PSMB9: variants seen among roughly 807,000 people sequenced by gnomAD.
The protein encoded by PSMB9 is proteasome 20S subunit beta 9.
Under a neutral mutation model 26.9 loss-of-function variants are expected in PSMB9, and 16 were observed. The ratio of observed to expected loss-of-function variants is 0.59; its 90% confidence interval spans 0.40 to 0.90. The LOEUF (loss-of-function observed/expected upper bound fraction) is 0.90. PSMB9 is among the 40% of genes least tolerant of loss of function. PSMB9 has a pLI of 0.00. For missense variants in PSMB9, 253 were observed against 292.2 expected (o/e 0.87, Z 0.98); for synonymous variants, 91 against 112.0 (o/e 0.81, Z 1.18).
Position 32,855,851 on chromosome 6 carries a change from C to T in PSMB9, c.61-287C>T, listed in dbSNP as rs1771137546. ...TCTACCTGTAGGAGCCTCATCTCCA[C>T]CTCTCTACAGTGGAGAGGATTCCAC... On this transcript the variant is annotated intron_variant, in intron 1 of 5. Transcript: ENST00000374859. Among the ~76,000 whole-genome samples the T allele has an allele frequency of 2.6e-5, 4 of 152,192 alleles. No homozygotes were observed. The South Asian group carries it at 8.3e-4, about 31-fold the overall frequency.
At chr6:32,856,502 G>A (rs569609822) in intron 2 of PSMB9, 22 of 339,292 alleles carry the variant, frequency 6.5e-5, no homozygotes, top group Non-Finnish European at 1.2e-4. Context: ...CTTTCCATCT[G>A]TGCTTAGGGA....
At chr6:32,857,452 A>G in intron 3 of PSMB9, 58 bp downstream of exon 3, 1 of 1,562,306 alleles carries the variant, frequency 6.4e-7, no homozygotes, top group Non-Finnish European at 8.7e-7. Flanking sequence ...ACCTGCATGA[A>G]TCCCTGTACA....
At chr6:32,857,950 A>G in intron 3 of PSMB9, 55 bp from the exon 4 acceptor site, 1 of 1,606,914 alleles carries the variant, frequency 6.2e-7, no homozygotes, top group South Asian at 1.1e-5. Context: ...TGGTAACAGT[A>G]TAGGAGAATG....
chr6:32,854,944 G>A lies in PSMB9; in HGVS notation c.60+655G>A, dbSNP rs2127396204. Among the ~76,000 whole-genome samples, 1 of 152,326 alleles carries A rather than the reference G, an allele frequency of 6.6e-6. No individual in the cohort carries two copies. Among genetic ancestry groups the A allele is most frequent in the East Asian group, 1.9e-4 (1 of 5,176 alleles). The stretch of plus-strand genomic sequence containing the variant: ...TTAGGATGGGCGCCTGGGGCAGATG[G>A]CAGCCCCAAGACTGGCTGGCTGGCT... On this transcript the variant is annotated intron_variant, in intron 1 of 5. Transcript: ENST00000374859. The surrounding 1 kb of genome is among the most constrained non-coding windows in gnomAD (Gnocchi z 4.6).
At chr6:32,857,456 C>A in intron 3 of PSMB9, 62 bp downstream of exon 3, 1 of 1,544,990 alleles carries the variant, frequency 6.5e-7, no homozygotes, top group Non-Finnish European at 8.7e-7. Context: ...GCATGAATCC[C>A]TGTACAGTGT....
intron 3 of PSMB9, 95 bp from the exon 4 acceptor site, chr6:32,857,909 AC>A: frequency 2.1e-6 from 3 of 1,454,064 alleles, no homozygotes; most frequent in Non-Finnish European, 2.8e-6. Context: ...TATTGCAGTT[AC>A]AGTTTTCAGG....
chr6:32,857,523 G>A lies in PSMB9; in HGVS notation c.260+129G>A, dbSNP rs573044454. 2.1e-5 allele frequency: 25 copies of A among 1,194,214 alleles called. No homozygotes were observed. The South Asian group carries it at 4.0e-4, about 19-fold the overall frequency. 74.0% of individuals were successfully genotyped at this position (1,194,214 alleles called of 1,614,324 possible). A position where few individuals can be genotyped will look rare whatever the true frequency, so the allele number is the denominator to read the frequency against. ...AAAAGTCTTGTTTCGGCTCTTGCTG[G>A]CACTTGAATCTGTCAGTTTCTGCAT... On this transcript the variant is annotated intron_variant, in intron 3 of 5. Transcript: ENST00000374859.
intron 1 of PSMB9, among the ~76,000 whole-genome samples, chr6:32,855,400 ACTT>A (rs1288569720): frequency 6.6e-6 from 1 of 151,972 alleles, no homozygotes; most frequent in Admixed American, 6.6e-5. Context: ...ATCTTCCCTC[ACTT>A]CTTCTTGATT....
rs1015957283 is a variant in PSMB9 at position 32,854,585 on chromosome 6, C to G, written c.60+296C>G. ...ACTCTAAAGCGCTTTCGCTTTCACT[C>G]TGGTCCCGGACAGTGGGGGCTGGTT... On this transcript the variant is annotated intron_variant, in intron 1 of 5. Coordinates refer to ENST00000374859, the MANE Select transcript of PSMB9 (RefSeq NM_002800.5). The surrounding 1 kb of genome is among the most constrained non-coding windows in gnomAD (Gnocchi z 4.6). Among the ~76,000 whole-genome samples the G allele has an allele frequency of 1.3e-5, 2 of 151,306 alleles. No homozygotes were observed. Among genetic ancestry groups the G allele is most frequent in the South Asian group, 2.1e-4 (1 of 4,800 alleles).
Position 32,854,387 on chromosome 6 carries a change from A to G in PSMB9, c.60+98A>G. Reference sequence around the variant, plus strand: ...CGCGGAGAAGTGAATGCAGAGACCAACGGGAGCGCAGGGAGGTCGCCTGTA... The same window carrying G: ...CGCGGAGAAGTGAATGCAGAGACCAGCGGGAGCGCAGGGAGGTCGCCTGTA... On this transcript the variant is annotated intron_variant, in intron 1 of 5. Transcript: ENST00000374859. This position sits in a 1 kb window ranked among gnomAD's most constrained non-coding sequence, Gnocchi z 4.6. The G allele has an allele frequency of 8.4e-7, 1 of 1,192,730 alleles. No individual in the cohort carries two copies. The highest frequency in any genetic ancestry group is 1.1e-6 in the Non-Finnish European group (1 of 881,042). 73.9% of individuals were successfully genotyped at this position (1,192,730 alleles called of 1,614,324 possible). A position where few individuals can be genotyped will look rare whatever the true frequency, so the allele number is the denominator to read the frequency against.
Position 32,856,195 on chromosome 6 carries a change from G to C in PSMB9, c.118G>C (p.Val40Leu). 6.2e-7 allele frequency: 1 copy of C among 1,612,774 alleles called. No homozygotes were observed. Among genetic ancestry groups the C allele is most frequent in the Non-Finnish European group, 8.5e-7 (1 of 1,179,780 alleles). The change falls in exon 2 of 6, where the codon GTG becomes CTG. Residue 40 changes from valine to leucine, a missense_variant. By Grantham distance (32) the Val-to-Leu change is conservative (BLOSUM62 1). Coordinates refer to ENST00000374859, the MANE Select transcript of PSMB9 (RefSeq NM_002800.5). ...CGTTGTGATGGGTTCTGATTCCCGA[G>C]TGTCTGCAGGGTGAGTAAAAGTGAA... ...GGVVMGSDSR[V>L]SAGEAVVNRV...
chr6:32,856,041 C>A, intron 1 of PSMB9, 97 bp from the exon 2 acceptor site: 1 of 1,088,476 alleles, frequency 9.2e-7, no homozygotes, highest in Non-Finnish European at 1.4e-6. Context: ...AATCTTTGAG[C>A]CAGTCACTTC....
rs1052689861 is a variant in PSMB9, at chr6:32,854,501, C to A, written c.60+212C>A. On this transcript the variant is annotated intron_variant, in intron 1 of 5. Coordinates refer to ENST00000374859, the MANE Select transcript of PSMB9 (RefSeq NM_002800.5). The surrounding 1 kb of genome is among the most constrained non-coding windows in gnomAD (Gnocchi z 4.6). ...AGTGTCCGTGAAGGGAACAGGCACG[C>A]GAGGCTGGTGGAAAAAGCGGGTGCT... Among the ~76,000 whole-genome samples, 1 of 151,978 alleles carries A rather than the reference C, an allele frequency of 6.6e-6. No individual in the cohort carries two copies. Among genetic ancestry groups the A allele is most frequent in the Non-Finnish European group, 1.5e-5 (1 of 68,002 alleles).
At chr6:32,856,899 C>T (rs948889127) in intron 2 of PSMB9, 4 of 166,156 alleles carry the variant, frequency 2.4e-5, no homozygotes, top group Non-Finnish European at 5.2e-5. Flanking sequence ...AATGATCACC[C>T]TCAAAAATTC....
intron 1 of PSMB9, among the ~76,000 whole-genome samples, chr6:32,855,857 T>C (rs56034132): frequency 0.019 from 2,951 of 152,314 alleles, 45 homozygotes; most frequent in Non-Finnish European, 0.023. Flanking sequence ...TCCACCTCTC[T>C]ACAGTGGAGA....
chr6:32,854,379 A>G lies in PSMB9; in HGVS notation c.60+90A>G. 9 of 1,267,840 alleles carry G rather than the reference A, an allele frequency of 7.1e-6. No individual in the cohort carries two copies. Among genetic ancestry groups the G allele is most frequent in the Non-Finnish European group, 9.5e-6 (9 of 947,228 alleles). The allele number at this position is 1,267,840 out of a possible 1,614,324, so 78.5% of individuals were successfully genotyped here. ...GAAGCGCGCGCGGAGAAGTGAATGC[A>G]GAGACCAACGGGAGCGCAGGGAGGT... On this transcript the variant is annotated intron_variant, in intron 1 of 5. Transcript: ENST00000374859. The surrounding 1 kb of genome is among the most constrained non-coding windows in gnomAD (Gnocchi z 4.6).
Position 32,854,226 on chromosome 6 carries a change from A to G in PSMB9, c.-4A>G, listed in dbSNP as rs1771031109. The G allele has an allele frequency of 1.9e-6, 3 of 1,545,210 alleles. No homozygotes were observed. Among genetic ancestry groups the G allele is most frequent in the Admixed American group, 4.0e-5 (2 of 49,560 alleles). On this transcript the variant is annotated 5_prime_UTR_variant, in exon 1 of 6. Coordinates refer to ENST00000374859, the MANE Select transcript of PSMB9 (RefSeq NM_002800.5). This position sits in a 1 kb window ranked among gnomAD's most constrained non-coding sequence, Gnocchi z 4.6. ...GGCGGCGAGGAGAGCGGTGCCTTGC[A>G]GGGATGCTGCGGGCGGGAGCACCAA...
chr6:32,858,744 C>G lies in PSMB9; in HGVS notation c.532+239C>G. On this transcript the variant is annotated intron_variant, in intron 5 of 5. Coordinates refer to ENST00000374859, the MANE Select transcript of PSMB9 (RefSeq NM_002800.5). The surrounding 1 kb of genome is among the most constrained non-coding windows in gnomAD (Gnocchi z 5.2). The stretch of plus-strand genomic sequence containing the variant: ...TGAGGATACACAGTCACTGTGAGAA[C>G]CAGTGGTGTGCTAAGCACAGTGGCT... The G allele has an allele frequency of 1.7e-6, 1 of 601,900 alleles. No individual in the cohort carries two copies. Among genetic ancestry groups the G allele is most frequent in the South Asian group, 1.9e-5 (1 of 52,162 alleles). The allele number at this position is 601,900 out of a possible 1,614,324, so 37.3% of individuals were successfully genotyped here.
rs1477965925 is a variant in PSMB9 at position 32,859,765 on chromosome 6, A to G, written c.*233A>G. Among the ~76,000 whole-genome samples, 1 of 144,756 alleles carries G rather than the reference A, an allele frequency of 6.9e-6. No individual in the cohort carries two copies. The highest frequency in any genetic ancestry group is 1.5e-5 in the Non-Finnish European group (1 of 65,864). The allele number at this position is 144,756 out of a possible 152,430, so 95.0% of individuals were successfully genotyped here. A position where few individuals can be genotyped will look rare whatever the true frequency, so the allele number is the denominator to read the frequency against. ...TAAAGAGCCCTATACATGACAGGTGATCACGTACTGAATGATTTTGAAGTA... is the reference window on the plus strand; with the variant it reads ...TAAAGAGCCCTATACATGACAGGTGGTCACGTACTGAATGATTTTGAAGTA... On this transcript the variant is annotated 3_prime_UTR_variant, in exon 6 of 6. Transcript: ENST00000374859.
Sources: gnomAD v4.1 joint callset for allele counts (sites outside exome capture counted in the v4.1 genomes callset) on GRCh38, gnomAD v4.1.1 for gene constraint, Gnocchi (gnomAD v3.1) non-coding constraint, MANE v1.5 for transcripts, NCBI Gene and HGNC (gene_info 2026-07-23, HGNC 2026-07-21) for gene names.